PXDNL: variants seen among roughly 807,000 people sequenced by gnomAD.
PXDNL encodes peroxidasin like.
A neutral mutation model predicts 150.8 loss-of-function variants in PXDNL; 145 were observed. The ratio of observed to expected loss-of-function variants is 0.96; its 90% CI spans 0.84 to 1.10. The LOEUF is 1.10. Among genes scored for constraint, PXDNL ranks in the 50% least tolerant of loss-of-function variants. PXDNL has a pLI of 0.00. For synonymous variants in PXDNL, 757 were observed against 725.7 expected, an observed-to-expected ratio of 1.04 and a Z score of -0.69; for missense variants, 2,087 against 1,873.9, an observed-to-expected ratio of 1.11 and a Z score of -2.10.
At chr8:51,549,757 C>T (rs1812442040) in intron 4 of PXDNL, among the ~76,000 whole-genome samples, 1 of 151,860 alleles carries the variant, frequency 6.6e-6, no homozygotes, top group African/African-American at 2.4e-5. Context: ...ACAATCTAGG[C>T]TCACATCTCA....
intron 21 of PXDNL, among the ~76,000 whole-genome samples, chr8:51,330,058 C>T (rs1363398016): frequency 6.6e-6 from 1 of 152,168 alleles, no homozygotes; most frequent in Non-Finnish European, 1.5e-5. Flanking sequence ...TTAATTCAAC[C>T]TTCCTCCAAT....
At chr8:51,350,040 T>C (rs1307564024) in intron 19 of PXDNL, among the ~76,000 whole-genome samples, 1 of 152,112 alleles carries the variant, frequency 6.6e-6, no homozygotes, top group East Asian at 1.9e-4. Context: ...CTGGGGTATA[T>C]ACCCTGGTTC....
rs555588191 is a variant in PXDNL, at chr8:51,659,141, A to T, written c.165-4381T>A. ...TACACAGAGTGGAAATTAAGTTATT[A>T]TATCTCCTTCATCCCATTGTAATAT... On this transcript the variant is annotated intron_variant, in intron 1 of 22. Transcript: ENST00000356297. Among the ~76,000 whole-genome samples the T allele has an allele frequency of 3.3e-5, 5 of 152,228 alleles. No individual in the cohort carries two copies. The South Asian group carries it at 8.3e-4, about 25-fold the overall frequency.
At chr8:51,354,828 A>C (rs1305095805) in intron 19 of PXDNL, among the ~76,000 whole-genome samples, 1 of 152,086 alleles carries the variant, frequency 6.6e-6, no homozygotes, top group African/African-American at 2.4e-5. Context: ...CTTAGAACTT[A>C]TGAGAGGGTT....
chr8:51,744,930 A>G (rs555524156), intron 1 of PXDNL, among the ~76,000 whole-genome samples: 2 of 2,330 alleles, frequency 8.6e-4, no homozygotes, highest in Non-Finnish European at 0.01. Context: ...AAGAAAGAAA[A>G]AGAAAGAAAG....
intron 1 of PXDNL, among the ~76,000 whole-genome samples, chr8:51,723,785 C>T (rs1168912417): frequency 2.0e-5 from 3 of 152,066 alleles, no homozygotes; most frequent in Admixed American, 6.6e-5. Flanking sequence ...AAACATTAGG[C>T]AGGGAGGGGG....
At chr8:51,716,925 G>A (rs544340860) in intron 1 of PXDNL, among the ~76,000 whole-genome samples, 1 of 151,954 alleles carries the variant, frequency 6.6e-6, no homozygotes, top group Non-Finnish European at 1.5e-5. Context: ...TTTTTTTGTT[G>A]TTGTTTTCTA....
intron 14 of PXDNL, 60 bp downstream of exon 14, chr8:51,423,515 G>C (rs1274090778): frequency 1.4e-6 from 2 of 1,432,682 alleles, no homozygotes; most frequent in African/African-American, 1.4e-5. Context: ...AATAGGATTG[G>C]GGTAGAAGCT....
At chr8:51,461,742 G>T (rs759726833) in intron 8 of PXDNL, among the ~76,000 whole-genome samples, 1 of 152,192 alleles carries the variant, frequency 6.6e-6, no homozygotes, top group African/African-American at 2.4e-5. Context: ...GCCCCTTTGG[G>T]CCTAAGAAAA....
intron 4 of PXDNL, among the ~76,000 whole-genome samples, chr8:51,511,642 G>T (rs192035307): frequency 2.2e-4 from 34 of 152,338 alleles, no homozygotes; most frequent in Admixed American, 2.0e-3. Context: ...CTGCAGGCCA[G>T]ACTCAGGCAG....
At chr8:51,606,801 A>G (rs1040579392) in intron 2 of PXDNL, among the ~76,000 whole-genome samples, 1 of 152,066 alleles carries the variant, frequency 6.6e-6, no homozygotes, top group African/African-American at 2.4e-5. Context: ...TTATTTTCAC[A>G]TGTCTTTGCA....
rs1815004282 is a variant in PXDNL, at chr8:51,650,187, T to C, written c.236+4502A>G. ...GTATCTTAAATGCTCCTTTATTATA[T>C]ACAGCAAAATAGTATTATATACAGA... On this transcript the variant is annotated intron_variant, in intron 2 of 22. Coordinates refer to ENST00000356297, the MANE Select transcript of PXDNL (RefSeq NM_144651.5). Among the ~76,000 whole-genome samples, 4 of 151,730 alleles carry C rather than the reference T, an allele frequency of 2.6e-5. No homozygotes were observed. The South Asian group carries it at 8.3e-4, about 32-fold the overall frequency.
At chr8:51,799,520 T>G (rs1474060974) in intron 1 of PXDNL, among the ~76,000 whole-genome samples, 2 of 152,216 alleles carry the variant, frequency 1.3e-5, no homozygotes, top group African/African-American at 4.8e-5. Flanking sequence ...CTTGGGCTGG[T>G]GCCATGAGAG....
chr8:51,473,488 T>A (rs1353468805), intron 7 of PXDNL, among the ~76,000 whole-genome samples: 1 of 151,838 alleles, frequency 6.6e-6, no homozygotes, highest in Non-Finnish European at 1.5e-5. Context: ...AGAAGTAGAA[T>A]CAGAATATTG....
intron 21 of PXDNL, 165 bp from the exon 22 acceptor site, chr8:51,321,062 G>A: frequency 3.4e-6 from 2 of 587,126 alleles, no homozygotes; most frequent in Non-Finnish European, 6.0e-6. Flanking sequence ...AGGACTTAAT[G>A]AGCTTGAATC....
At chr8:51,573,236 A>G (rs1812983130) in intron 3 of PXDNL, among the ~76,000 whole-genome samples, 1 of 151,972 alleles carries the variant, frequency 6.6e-6, no homozygotes, top group Admixed American at 6.6e-5. Flanking sequence ...ATATTGAGGC[A>G]CCCAACACCC....
At chr8:51,679,988 T>G (rs543013064) in intron 1 of PXDNL, among the ~76,000 whole-genome samples, 13 of 152,256 alleles carry the variant, frequency 8.5e-5, no homozygotes, top group Non-Finnish European at 1.9e-4. Context: ...GAAACTTGTA[T>G]GTGAATGAGA....
At chr8:51,458,550 T>C (rs186482651) in intron 8 of PXDNL, among the ~76,000 whole-genome samples, 1 of 152,338 alleles carries the variant, frequency 6.6e-6, no homozygotes, top group Admixed American at 6.5e-5. Context: ...TCCATCTTCA[T>C]CACTCAATAC....
chr8:51,603,321 A>C (rs1005697335), intron 2 of PXDNL, among the ~76,000 whole-genome samples: 9 of 151,978 alleles, frequency 5.9e-5, no homozygotes, highest in African/African-American at 2.2e-4. Flanking sequence ...ACTAATATTC[A>C]AATTTTACCA....
Sources: gnomAD v4.1 joint callset for allele counts (sites outside exome capture counted in the v4.1 genomes callset) on GRCh38, gnomAD v4.1.1 for gene constraint, MANE v1.5 for transcripts, NCBI Gene and HGNC (gene_info 2026-07-23, HGNC 2026-07-21) for gene names.